The following UVRAG variants were observed in gnomAD, a reference collection of about 807,000 sequenced individuals.
UVRAG encodes UV radiation resistance-associated gene protein.
Under a neutral mutation model 78.0 loss-of-function variants are expected in UVRAG, and 19 were observed. That is an observed-to-expected ratio of 0.24 (90% confidence interval 0.17 to 0.36). The LOEUF (loss-of-function observed/expected upper bound fraction) is 0.36. UVRAG is among the 10% of genes least tolerant of loss of function. The probability of loss-of-function intolerance (pLI) is 1.00; values close to 1 mark genes in which losing one functional copy is unlikely to be tolerated. For missense variants in UVRAG, 740 were observed against 853.8 expected (o/e 0.87, Z 1.66); for synonymous variants, 323 against 324.6 (o/e 1.00, Z 0.05).
chr11:75,936,435 A>G (rs1046039319), intron 6 of UVRAG, among the ~76,000 whole-genome samples: 2 of 152,248 alleles, frequency 1.3e-5, no homozygotes, highest in African/African-American at 2.4e-5. Context: ...TTAGTGTGAC[A>G]TTCCATTTAA....
At chr11:76,073,931 A>G (rs910341733) in intron 13 of UVRAG, among the ~76,000 whole-genome samples, 1 of 152,186 alleles carries the variant, frequency 6.6e-6, no homozygotes, top group Admixed American at 6.5e-5. Flanking sequence ...GCAGAAGACA[A>G]TGTGAGACTC....
rs551153842 is a variant in UVRAG at position 75,849,312 on chromosome 11, T to C, written c.118-2571T>C. Among the ~76,000 whole-genome samples, 6 of 152,204 alleles carry C rather than the reference T, an allele frequency of 3.9e-5. No homozygotes were observed. The South Asian group carries it at 1.0e-3, about 26-fold the overall frequency. ...CGAGGTCAGAAGATTGAGACCATCCTGGCTAACACAGTGAAACCCCCTCTC... is the reference window on the plus strand; with the variant it reads ...CGAGGTCAGAAGATTGAGACCATCCCGGCTAACACAGTGAAACCCCCTCTC... On this transcript the variant is annotated intron_variant, in intron 1 of 14. Coordinates refer to ENST00000356136, the MANE Select transcript of UVRAG (RefSeq NM_003369.4).
intron 12 of UVRAG, among the ~76,000 whole-genome samples, chr11:76,022,209 T>C: frequency 6.6e-6 from 1 of 152,244 alleles, no homozygotes; most frequent in East Asian, 1.9e-4. Context: ...TTTTGTGGCC[T>C]AATGTATTGT....
Position 75,962,260 on chromosome 11 carries a change from T to C in UVRAG, c.699+711T>C, listed in dbSNP as rs1005199371. Reference sequence around the variant, plus strand: ...AGTTCTAGATAAAATTATTTAAATATTTGTTCGTGTGAACTCATTATCACA... The same window carrying C: ...AGTTCTAGATAAAATTATTTAAATACTTGTTCGTGTGAACTCATTATCACA... On this transcript the variant is annotated intron_variant, in intron 7 of 14. Transcript: ENST00000356136. Among the ~76,000 whole-genome samples, 131 of 152,134 alleles carry C rather than the reference T, an allele frequency of 8.6e-4. 2 individuals carry two copies. The highest frequency in any genetic ancestry group is 3.1e-3 in the African/African-American group (129 of 41,450).
intron 12 of UVRAG, among the ~76,000 whole-genome samples, chr11:76,022,416 A>G (rs192645543): frequency 3.9e-5 from 6 of 152,120 alleles, no homozygotes; most frequent in Non-Finnish European, 5.9e-5. Context: ...GTAAAACTGT[A>G]TATTTCTCCT....
intron 14 of UVRAG, among the ~76,000 whole-genome samples, chr11:76,126,319 A>AT (rs1952393624): frequency 6.6e-6 from 1 of 152,216 alleles, no homozygotes. Flanking sequence ...TTCAAATAAA[A>AT]TCCAAGTTAT....
chr11:76,022,932 T>C (rs1373339871), intron 12 of UVRAG, among the ~76,000 whole-genome samples: 1 of 152,170 alleles, frequency 6.6e-6, no homozygotes, highest in African/African-American at 2.4e-5. Flanking sequence ...GTGTATTTTA[T>C]AGATTTTTTA....
chr11:76,091,517 C>A (rs570661908), intron 13 of UVRAG, among the ~76,000 whole-genome samples: 6 of 152,106 alleles, frequency 3.9e-5, no homozygotes, highest in African/African-American at 1.2e-4. Context: ...TATTAGGTTT[C>A]CTGTACTGCT....
chr11:75,927,610 G>C (rs1948139045), intron 6 of UVRAG, among the ~76,000 whole-genome samples: 1 of 152,156 alleles, frequency 6.6e-6, no homozygotes, highest in South Asian at 2.1e-4. Flanking sequence ...GTAGTAGGAG[G>C]AGAATAGAGG....
At chr11:75,972,326 T>C (rs1450837606) in intron 7 of UVRAG, among the ~76,000 whole-genome samples, 1 of 152,200 alleles carries the variant, frequency 6.6e-6, no homozygotes, top group African/African-American at 2.4e-5. Context: ...TCCTGTGTTA[T>C]CTTCTAGAAG....
At chr11:75,938,327 C>A (rs1056846935) in intron 6 of UVRAG, among the ~76,000 whole-genome samples, 4 of 152,068 alleles carry the variant, frequency 2.6e-5, no homozygotes, top group Non-Finnish European at 5.9e-5. Flanking sequence ...TCATCTCTAG[C>A]AATTTTGGAT....
intron 13 of UVRAG, among the ~76,000 whole-genome samples, chr11:76,102,853 G>C (rs1380077603): frequency 6.6e-6 from 1 of 152,082 alleles, no homozygotes; most frequent in Non-Finnish European, 1.5e-5. Flanking sequence ...TCAGAAGCTG[G>C]GTGGGCTCAG....
At chr11:75,825,388 C>A (rs750017232) in intron 1 of UVRAG, among the ~76,000 whole-genome samples, 15 of 152,186 alleles carry the variant, frequency 9.9e-5, no homozygotes, top group Non-Finnish European at 1.6e-4. Context: ...GCTGGGATTG[C>A]AGGCATGAGC....
intron 9 of UVRAG, among the ~76,000 whole-genome samples, chr11:76,004,452 G>T (rs1339403198): frequency 6.6e-6 from 1 of 150,824 alleles, no homozygotes; most frequent in East Asian, 1.9e-4. Flanking sequence ...CTTCTTGTTA[G>T]CTCATTTGGA....
At chr11:75,966,943 C>T (rs1949035011) in intron 7 of UVRAG, among the ~76,000 whole-genome samples, 1 of 152,176 alleles carries the variant, frequency 6.6e-6, no homozygotes, top group African/African-American at 2.4e-5. Flanking sequence ...CATTCTCTGC[C>T]TTCCTCTATT....
rs574515306 is a variant in UVRAG at position 76,101,559 on chromosome 11, G to C, written c.1306-14365G>C. On this transcript the variant is annotated intron_variant, in intron 13 of 14. Transcript: ENST00000356136. ...GTTTACTCTGTTGACAGTTTATTTT[G>C]CTGTGCAGAAGCTCTTTAGTTTAAT... is the stretch of plus-strand genomic sequence containing the variant. Among the ~76,000 whole-genome samples the C allele has an allele frequency of 5.3e-5, 8 of 149,920 alleles. No homozygotes were observed. In the South Asian group the frequency reaches 1.8e-3, roughly 33 times the overall value.
At chr11:75,913,709 C>T (rs968053434) in intron 6 of UVRAG, among the ~76,000 whole-genome samples, 4 of 152,162 alleles carry the variant, frequency 2.6e-5, no homozygotes, top group East Asian at 3.8e-4. Flanking sequence ...GATGCTTTGA[C>T]GGTTTTCTGA....
chr11:76,053,438 T>A (rs1950912482), intron 12 of UVRAG, among the ~76,000 whole-genome samples: 1 of 151,620 alleles, frequency 6.6e-6, no homozygotes, highest in Non-Finnish European at 1.5e-5. Flanking sequence ...AACGAAAGGG[T>A]CATCTTTGAC....
intron 3 of UVRAG, among the ~76,000 whole-genome samples, chr11:75,862,003 G>A (rs553451880): frequency 3.2e-4 from 49 of 152,224 alleles, no homozygotes; most frequent in African/African-American, 1.1e-3. Context: ...GTTAATGGGT[G>A]TAGCACACCG....
Sources: gnomAD v4.1 joint callset for allele counts (sites outside exome capture counted in the v4.1 genomes callset) on GRCh38, gnomAD v4.1.1 for gene constraint, MANE v1.5 for transcripts, NCBI Gene and HGNC (gene_info 2026-07-23, HGNC 2026-07-21) for gene names.